LGI1: variants seen among roughly 807,000 people sequenced by gnomAD.
The protein encoded by LGI1 is leucine-rich glioma-inactivated protein 1.
Under a neutral mutation model 57.7 loss-of-function variants are expected in LGI1, and 11 were observed. The ratio of observed to expected loss-of-function variants is 0.19; its 90% confidence interval spans 0.12 to 0.32. The LOEUF (loss-of-function observed/expected upper bound fraction) is 0.32. LGI1 is among the 10% of genes least tolerant of loss of function. The pLI is 1.00. For synonymous variants in LGI1, 222 were observed against 241.9 expected (o/e 0.92, Z 0.76); for missense variants, 422 against 661.9 (o/e 0.64, Z 3.98).
chr10:93,772,127 G>T (rs2059748110), intron 2 of LGI1: 1 of 152,066 alleles, frequency 6.6e-6, no homozygotes, highest in African/African-American at 2.4e-5. Flanking sequence ...AGCATCAAAA[G>T]AAATAGGAAA....
chr10:93,783,693 C>T (rs1240842702), intron 4 of LGI1, among the ~76,000 whole-genome samples: 1 of 152,200 alleles, frequency 6.6e-6, no homozygotes, highest in Non-Finnish European at 1.5e-5. Context: ...CTACTCCAGC[C>T]TGCCTCATTC....
intron 7 of LGI1, among the ~76,000 whole-genome samples, 190 bp from the exon 8 acceptor site, chr10:93,796,778 C>T (rs998485392): frequency 1.3e-5 from 2 of 152,172 alleles, no homozygotes; most frequent in Non-Finnish European, 2.9e-5. Context: ...CAAGGCCCCA[C>T]GAGGCACAAA....
intron 2 of LGI1, among the ~76,000 whole-genome samples, chr10:93,773,292 C>T (rs541823723): frequency 2.0e-5 from 3 of 152,192 alleles, no homozygotes; most frequent in African/African-American, 7.2e-5. Flanking sequence ...CTCGCCAGAA[C>T]GTGGTTATTA....
intron 2 of LGI1, among the ~76,000 whole-genome samples, chr10:93,775,411 GA>G (rs1202005835): frequency 6.6e-6 from 1 of 152,178 alleles, no homozygotes; most frequent in Non-Finnish European, 1.5e-5. Flanking sequence ...TTTAGTCCTT[GA>G]AATGTAGTTC....
chr10:93,761,244 C>G (rs537428860), intron 2 of LGI1, among the ~76,000 whole-genome samples: 6 of 152,264 alleles, frequency 3.9e-5, no homozygotes, highest in African/African-American at 1.4e-4. Context: ...CCCTTTGGAA[C>G]ATGAAGACCA....
chr10:93,776,340 T>G (rs2059793855), intron 2 of LGI1, among the ~76,000 whole-genome samples: 1 of 152,220 alleles, frequency 6.6e-6, no homozygotes, highest in South Asian at 2.1e-4. Flanking sequence ...TGTATCCATC[T>G]TTCAGCTTCA....
intron 4 of LGI1, among the ~76,000 whole-genome samples, chr10:93,786,606 G>GTTT (rs1564848735): frequency 2.2e-5 from 1 of 45,036 alleles, no homozygotes; most frequent in African/African-American, 3.1e-5. Context: ...TGTTGTTGTT[G>GTTT]TTGTTTTTGA....
rs144643977 is a variant in LGI1, at chr10:93,763,694, C to T, written c.287+4863C>T. The T allele has an allele frequency of 8.5e-5, 13 of 152,244 alleles. No homozygotes were observed. The East Asian group carries it at 1.9e-3, about 23-fold the overall frequency. The allele number at this position is 152,244 out of a possible 1,614,324, so 9.4% of individuals were successfully genotyped here. ...AAAAAAACTCGAGGAGATATTTGCT[C>T]ATGAAGTTGTGAATTCAAACTTCCT... is the stretch of plus-strand genomic sequence containing the variant. On this transcript the variant is annotated intron_variant, in intron 2 of 7. Coordinates refer to ENST00000371418, the MANE Select transcript of LGI1 (RefSeq NM_005097.4).
At chr10:93,777,518 T>G in intron 3 of LGI1, 28 bp from the exon 4 acceptor site, 12 of 1,611,282 alleles carry the variant, frequency 7.4e-6, no homozygotes, top group Non-Finnish European at 1.0e-5. Flanking sequence ...TGTAACTGTT[T>G]GACAAAAAAT....
Position 93,758,954 on chromosome 10 carries a change from C to T in LGI1, c.287+123C>T, listed in dbSNP as rs556840291. On this transcript the variant is annotated intron_variant, in intron 2 of 7. Coordinates refer to ENST00000371418, the MANE Select transcript of LGI1 (RefSeq NM_005097.4). This position sits in a 1 kb window ranked among gnomAD's most constrained non-coding sequence, Gnocchi z 4.7. ...TCTATTTCTGAGAAAACAGAATATC[C>T]GTAAAGTGAGAGGTAGATGGGTTTG... is the stretch of plus-strand genomic sequence containing the variant. 9.1e-5 allele frequency: 73 copies of T among 797,872 alleles called. 3 individuals are homozygous for T. The South Asian group carries it at 9.9e-4, about 11-fold the overall frequency. 49.4% of individuals were successfully genotyped at this position (797,872 alleles called of 1,614,324 possible).
At chr10:93,783,765 A>C (rs1290729162) in intron 4 of LGI1, among the ~76,000 whole-genome samples, 4 of 152,126 alleles carry the variant, frequency 2.6e-5, no homozygotes, top group African/African-American at 9.7e-5. Context: ...TAATCCCAGC[A>C]CTTTGGGAGG....
chr10:93,778,173 A>C (rs59353452), intron 4 of LGI1, among the ~76,000 whole-genome samples: 5,542 of 152,250 alleles, frequency 0.036, 351 homozygotes, highest in African/African-American at 0.13. Flanking sequence ...GGGGATGTAA[A>C]TGGCATCTAG....
chr10:93,775,495 G>C (rs1264699121), intron 2 of LGI1, among the ~76,000 whole-genome samples: 1 of 152,186 alleles, frequency 6.6e-6, no homozygotes, highest in Non-Finnish European at 1.5e-5. Context: ...AATTCCTGCT[G>C]TAAGAAATAT....
At chr10:93,769,945 C>T (rs1034411422) in intron 2 of LGI1, 1 of 152,234 alleles carries the variant, frequency 6.6e-6, no homozygotes, top group African/African-American at 2.4e-5. Context: ...TTATAGGTGA[C>T]TGGAGAGAGT....
At chr10:93,765,003 C>A (rs569315940) in intron 2 of LGI1, 112 of 152,268 alleles carry the variant, frequency 7.4e-4, no homozygotes, top group African/African-American at 2.7e-3. Context: ...AAAGTCATAA[C>A]CCTCTCCTTT....
chr10:93,794,036 T>TTTTTTTTTTTG (rs1491306055), intron 7 of LGI1: 2 of 92,622 alleles, frequency 2.2e-5, no homozygotes, highest in African/African-American at 7.1e-5. Flanking sequence ...TTTTTTTTTT[T>TTTTTTTTTTTG]GAGACAGAGT....
chr10:93,767,271 A>G (rs928516545), intron 2 of LGI1: 1 of 152,156 alleles, frequency 6.6e-6, no homozygotes, highest in African/African-American at 2.4e-5. Flanking sequence ...AAGCAAAAGA[A>G]AAAGGCCTTA....
chr10:93,764,617 C>G (rs1026639532), intron 2 of LGI1: 5 of 152,122 alleles, frequency 3.3e-5, no homozygotes, highest in African/African-American at 1.2e-4. Flanking sequence ...GTTCAAATCC[C>G]CACTCTGCTT....
chr10:93,784,306 G>A lies in LGI1; in HGVS notation c.432-5793G>A, dbSNP rs548162471. Among the ~76,000 whole-genome samples, 68 of 152,250 alleles carry A rather than the reference G, an allele frequency of 4.5e-4. No homozygotes were observed. The South Asian group carries it at 7.5e-3, about 17-fold the overall frequency. On this transcript the variant is annotated intron_variant, in intron 4 of 7. Coordinates refer to ENST00000371418, the MANE Select transcript of LGI1 (RefSeq NM_005097.4). ...GTCAAACTCACTGACCCCTAAGTAC[G>A]TGGCCTAAAGTATCACCTATCCTAG...
Sources: allele counts gnomAD v4.1 joint callset (sites outside exome capture counted in the v4.1 genomes callset), GRCh38; gene constraint gnomAD v4.1.1; non-coding constraint Gnocchi (gnomAD v3.1); transcripts MANE v1.5; gene names NCBI Gene and HGNC (gene_info 2026-07-23, HGNC 2026-07-21).